Variants in GAL3ST2 observed in about 807,000 individuals in gnomAD.
GAL3ST2 encodes the protein beta-galactose-3-O-sulfotransferase 2.
In GAL3ST2, 16 loss-of-function variants were observed where a neutral mutation model predicts 12.9. That is an observed-to-expected ratio of 1.24 (90% CI 0.84 to 1.88). The LOEUF is 1.88. Ranked by LOEUF, GAL3ST2 falls within the 40% of genes most tolerant of loss-of-function variation. The probability of loss-of-function intolerance (pLI) is 0.00; values close to 1 mark genes in which losing one functional copy is unlikely to be tolerated. For synonymous variants in GAL3ST2, 302 were observed against 273.9 expected (o/e 1.10, Z -1.01); for missense variants, 639 against 571.8 (o/e 1.12, Z -1.20).
In GAL3ST2 at chr2:241,800,260, CTT is replaced by C. The variant is rs991154187; in HGVS notation, c.119+1108_119+1109del. ...GACATCTATGAATGTGGAGAGGACA[CTT>C]TGTTTCTTAAAAAGTGTGGACATCC... is the stretch of plus-strand genomic sequence containing the variant. On this transcript the variant is annotated intron_variant, in intron 2 of 3. Coordinates refer to ENST00000192314, the MANE Select transcript of GAL3ST2 (RefSeq NM_022134.3). This position sits in a 1 kb window ranked among gnomAD's most constrained non-coding sequence, Gnocchi z 5.2. Among the ~76,000 whole-genome samples the C allele has an allele frequency of 1.5e-4, 23 of 149,236 alleles. No individual in the cohort carries two copies. Among genetic ancestry groups the C allele is most frequent in the Non-Finnish European group, 2.7e-4 (18 of 67,776 alleles).
In GAL3ST2 at chr2:241,803,699, G is replaced by GCGCTGGA; in HGVS notation, c.733_739dup (p.Asp247AlafsTer129). ...GCTGCTGCGGCGCCGGCTGCGCTGG[G>GCGCTGGA]CGCTGGACGACGTGGTGGCCTTCAG... On this transcript the variant is annotated frameshift_variant, in exon 4 of 4. Transcript: ENST00000192314. LOFTEE classifies it low-confidence loss of function (END_TRUNC). The GCGCTGGA allele has an allele frequency of 3.9e-6, 6 of 1,545,132 alleles. No homozygotes were observed. Among genetic ancestry groups the GCGCTGGA allele is most frequent in the Non-Finnish European group, 5.2e-6 (6 of 1,144,268 alleles).
chr2:241,797,154 T>C (rs1453904266), intron 1 of GAL3ST2, among the ~76,000 whole-genome samples: 5 of 152,254 alleles, frequency 3.3e-5, no homozygotes, highest in Admixed American at 6.5e-5. Context: ...CTGCCGCGCC[T>C]GGCCTGAAAC....
In GAL3ST2 at chr2:241,795,373, C is replaced by T. The variant is rs556622710; in HGVS notation, c.30-3692C>T. On this transcript the variant is annotated intron_variant, in intron 1 of 3. Transcript: ENST00000192314. This position sits in a 1 kb window ranked among gnomAD's most constrained non-coding sequence, Gnocchi z 4.5. ...GAGACAGATTCATGCTGCCGCAAGG[C>T]CAAGGGGGGTATTGTAAGTGTGAAA... Among the ~76,000 whole-genome samples, 77 of 152,268 alleles carry T rather than the reference C, an allele frequency of 5.1e-4. 1 individual carries two copies. The highest frequency in any genetic ancestry group is 1.5e-5 in the Non-Finnish European group (1 of 68,038).
chr2:241,780,797 C>T (rs1699557017), intron 1 of GAL3ST2, among the ~76,000 whole-genome samples: 1 of 152,204 alleles, frequency 6.6e-6, no homozygotes, highest in Non-Finnish European at 1.5e-5. Flanking sequence ...ATCCTCTCCT[C>T]TTGAGGATCC....
chr2:241,779,147 G>A (rs1699531812), intron 1 of GAL3ST2, among the ~76,000 whole-genome samples: 1 of 138,344 alleles, frequency 7.2e-6, no homozygotes, highest in Non-Finnish European at 1.5e-5. Flanking sequence ...CCCAGGTTTT[G>A]TCTTATCTCT....
At chr2:241,784,610 G>A (rs1373752061) in intron 1 of GAL3ST2, among the ~76,000 whole-genome samples, 1 of 152,078 alleles carries the variant, frequency 6.6e-6, no homozygotes, top group Non-Finnish European at 1.5e-5. Context: ...TTTTTCTTTA[G>A]TATCTAAGTA....
At chr2:241,780,629 A>C (rs1699554988) in intron 1 of GAL3ST2, among the ~76,000 whole-genome samples, 2 of 152,230 alleles carry the variant, frequency 1.3e-5, no homozygotes, top group Non-Finnish European at 2.9e-5. Flanking sequence ...GCTTGGCCTA[A>C]TTATTTGTAT....
intron 1 of GAL3ST2, among the ~76,000 whole-genome samples, chr2:241,791,328 G>C (rs1202282914): frequency 1.3e-5 from 2 of 152,186 alleles, no homozygotes; most frequent in African/African-American, 4.8e-5. Flanking sequence ...ATAAGAATTT[G>C]TTTTCATTTT....
chr2:241,780,908 C>A (rs191369661), intron 1 of GAL3ST2, among the ~76,000 whole-genome samples: 20 of 152,254 alleles, frequency 1.3e-4, no homozygotes, highest in Admixed American at 1.2e-3. Flanking sequence ...AAGTATGAGG[C>A]CAGTTTTTCC....
In GAL3ST2 at chr2:241,801,418, A is replaced by C; in HGVS notation, c.120-363A>C. 3.2e-6 allele frequency: 1 copy of C among 313,900 alleles called. No individual in the cohort carries two copies. The highest frequency in any genetic ancestry group is 6.0e-6 in the Non-Finnish European group (1 of 167,830). The allele number at this position is 313,900 out of a possible 1,614,324, so 19.4% of individuals were successfully genotyped here. On this transcript the variant is annotated intron_variant, in intron 2 of 3. Transcript: ENST00000192314. The surrounding 1 kb of genome is among the most constrained non-coding windows in gnomAD (Gnocchi z 4.4). ...ACCGCAAAGGGGAGGGGGTGTGACG[A>C]GGCGTCTACCTCCCATCCCATCACT...
At position 241,803,910 on chromosome 2, in the gene GAL3ST2, G is replaced by A. The variant is rs1051371171; in HGVS notation, c.941G>A (p.Arg314Lys). 1 of 1,416,838 alleles carries A rather than the reference G, an allele frequency of 7.1e-7. No homozygotes were observed. The highest frequency in any genetic ancestry group is 2.2e-4 in the Middle Eastern group (1 of 4,556). 87.8% of individuals were successfully genotyped at this position (1,416,838 alleles called of 1,614,324 possible). ...RGEVERLRAR[R>K]RELASLCLQD... ...GAGGTGGAGCGGCTGCGCGCCCGGAGGCGCGAACTCGCGAGCCTGTGCCTG... is the reference window on the plus strand; with the variant it reads ...GAGGTGGAGCGGCTGCGCGCCCGGAAGCGCGAACTCGCGAGCCTGTGCCTG... The change falls in exon 4 of 4, where the codon AGG (arginine) becomes AAG (lysine). Residue 314 changes from arginine to lysine, a missense_variant. Physicochemically the swap from Arg to Lys is conservative, Grantham distance 26 (BLOSUM62 2). Coordinates refer to ENST00000192314, the MANE Select transcript of GAL3ST2 (RefSeq NM_022134.3).
chr2:241,779,290 G>A (rs1329645586), intron 1 of GAL3ST2, among the ~76,000 whole-genome samples: 1 of 134,540 alleles, frequency 7.4e-6, no homozygotes, highest in Non-Finnish European at 1.5e-5. Context: ...CTGGAGTGCA[G>A]TGGAGCGATC....
intron 1 of GAL3ST2, among the ~76,000 whole-genome samples, chr2:241,779,526 C>G (rs537496757): frequency 6.7e-6 from 1 of 150,364 alleles, no homozygotes; most frequent in South Asian, 2.1e-4. Context: ...AGCCACCGTG[C>G]CCGGCCCTGG....
In GAL3ST2 at chr2:241,804,101, G is replaced by A. The variant is rs889601614; in HGVS notation, c.1132G>A (p.Ala378Thr). The A allele has an allele frequency of 6.6e-7, 1 of 1,524,638 alleles. No homozygotes were observed. The allele number at this position is 1,524,638 out of a possible 1,614,324, so 94.4% of individuals were successfully genotyped here. ...RLVMPELQYM[A>T]RLYALQFPEK... The stretch of plus-strand genomic sequence containing the variant: ...TGTGATGCCTGAGCTCCAGTACATG[G>A]CCCGCCTGTACGCCCTGCAGTTCCC... Residue 378 changes from alanine to threonine, a missense_variant, in exon 4 of 4, where the codon GCC becomes ACC. Physicochemically the swap from Ala to Thr is moderately conservative, Grantham distance 58. Transcript: ENST00000192314.
At chr2:241,785,658 C>A (rs896981957) in intron 1 of GAL3ST2, among the ~76,000 whole-genome samples, 4 of 151,440 alleles carry the variant, frequency 2.6e-5, no homozygotes, top group Non-Finnish European at 5.9e-5. Flanking sequence ...CTTTAAGGAA[C>A]CCCAGTCTCT....
At chr2:241,797,717 C>A (rs1022110979) in intron 1 of GAL3ST2, among the ~76,000 whole-genome samples, 2 of 151,978 alleles carry the variant, frequency 1.3e-5, no homozygotes, top group Non-Finnish European at 2.9e-5. Context: ...GTTCCACGTC[C>A]CGGGAGGGTG....
At position 241,800,682 on chromosome 2, in the gene GAL3ST2, G is replaced by A. The variant is rs987201699; in HGVS notation, c.120-1099G>A. ...AGTTACTGAAATGCGGCTCTTGTCC[G>A]ATGGCAGCTGTGGTTCTGGCTGGGG... is the stretch of plus-strand genomic sequence containing the variant. On this transcript the variant is annotated intron_variant, in intron 2 of 3. Transcript: ENST00000192314. This position sits in a 1 kb window ranked among gnomAD's most constrained non-coding sequence, Gnocchi z 5.2. 6.6e-6 allele frequency among the ~76,000 whole-genome samples: 1 copy of A among 152,184 alleles called. No individual in the cohort carries two copies. The highest frequency in any genetic ancestry group is 2.4e-5 in the African/African-American group (1 of 41,438).
intron 1 of GAL3ST2, among the ~76,000 whole-genome samples, chr2:241,788,743 G>T (rs913325298): frequency 6.6e-6 from 1 of 152,110 alleles, no homozygotes; most frequent in Non-Finnish European, 1.5e-5. Flanking sequence ...TCCAGGAAAC[G>T]CATGTAAAGG....
chr2:241,789,193 C>A (rs1699667360), intron 1 of GAL3ST2, among the ~76,000 whole-genome samples: 1 of 152,148 alleles, frequency 6.6e-6, no homozygotes, highest in South Asian at 2.1e-4. Flanking sequence ...AGATAAAAAC[C>A]ACTGTTTCGA....
Sources: allele counts gnomAD v4.1 joint callset (sites outside exome capture counted in the v4.1 genomes callset), GRCh38; gene constraint gnomAD v4.1.1; non-coding constraint Gnocchi (gnomAD v3.1); transcripts MANE v1.5; gene names NCBI Gene and HGNC (gene_info 2026-07-23, HGNC 2026-07-21).